GABBR2: variants seen among roughly 807,000 people sequenced by gnomAD.
GABBR2 encodes the protein G-protein coupled receptor 51.
A neutral mutation model predicts 105.6 loss-of-function variants in GABBR2; 23 were observed. The observed-to-expected ratio is 0.22, with a 90% CI of 0.16 to 0.31. The LOEUF (loss-of-function observed/expected upper bound fraction) is 0.31. GABBR2 is among the 10% of genes least tolerant of loss of function. The probability of loss-of-function intolerance (pLI) is 1.00; values close to 1 mark genes in which losing one functional copy is unlikely to be tolerated. For synonymous variants in GABBR2, 478 were observed against 499.7 expected, an observed-to-expected ratio of 0.96 and a Z score of 0.58; for missense variants, 734 against 1,245.5, an observed-to-expected ratio of 0.59 and a Z score of 6.18.
intron 6 of GABBR2, among the ~76,000 whole-genome samples, chr9:98,456,294 C>G (rs996380559): frequency 2.0e-5 from 3 of 152,178 alleles, no homozygotes; most frequent in Non-Finnish European, 4.4e-5. Context: ...CCAGAAAGCT[C>G]CTTGCCCAGC....
chr9:98,467,355 C>G lies in GABBR2; in HGVS notation c.999+5791G>C, dbSNP rs140127034. Among the ~76,000 whole-genome samples the G allele has an allele frequency of 4.0e-4, 61 of 152,306 alleles. 2 individuals carry two copies. In the East Asian group the frequency reaches 0.01, roughly 26 times the overall value. On this transcript the variant is annotated intron_variant, in intron 6 of 18. Transcript: ENST00000259455. Reference sequence around the variant, plus strand: ...GCCAGTGGCCCCTCCATGGGCCAGTCAGCCTTTTCCTTCTGAGCCCATGCC... The same window carrying G: ...GCCAGTGGCCCCTCCATGGGCCAGTGAGCCTTTTCCTTCTGAGCCCATGCC...
intron 1 of GABBR2, among the ~76,000 whole-genome samples, chr9:98,586,161 T>G (rs1333612451): frequency 6.6e-6 from 1 of 152,084 alleles, no homozygotes; most frequent in Non-Finnish European, 1.5e-5. Context: ...GAACAGACAG[T>G]ATATCCAGCA....
chr9:98,354,575 T>C (rs889750331), intron 13 of GABBR2, among the ~76,000 whole-genome samples: 3 of 152,362 alleles, frequency 2.0e-5, no homozygotes, highest in Non-Finnish European at 4.4e-5. Context: ...TGCACTTTTA[T>C]GTTATAGAGA....
At chr9:98,455,097 C>G (rs1256408186) in intron 6 of GABBR2, among the ~76,000 whole-genome samples, 2 of 152,204 alleles carry the variant, frequency 1.3e-5, no homozygotes, top group Non-Finnish European at 2.9e-5. Flanking sequence ...ATCCATCCCT[C>G]CTGCTATTCC....
intron 6 of GABBR2, among the ~76,000 whole-genome samples, chr9:98,471,990 T>C (rs1826692642): frequency 6.6e-6 from 1 of 152,218 alleles, no homozygotes; most frequent in Non-Finnish European, 1.5e-5. Flanking sequence ...ACAAAATATG[T>C]CCTAATGATT....
At chr9:98,667,853 T>C (rs1397142923) in intron 1 of GABBR2, among the ~76,000 whole-genome samples, 1 of 152,224 alleles carries the variant, frequency 6.6e-6, no homozygotes, top group South Asian at 2.1e-4. Flanking sequence ...CAATCCCTTT[T>C]GCTGGGCTGA....
At chr9:98,658,273 C>G (rs1246333884) in intron 1 of GABBR2, among the ~76,000 whole-genome samples, 1 of 152,166 alleles carries the variant, frequency 6.6e-6, no homozygotes, top group African/African-American at 2.4e-5. Context: ...TAGAAATACA[C>G]AAGCCTGGGC....
intron 7 of GABBR2, among the ~76,000 whole-genome samples, chr9:98,438,108 CCACCCATTTATCCAT>C (rs1825960976): frequency 1.3e-5 from 2 of 150,384 alleles, no homozygotes; most frequent in Non-Finnish European, 3.0e-5. Flanking sequence ...ATCCATCCAT[CCACCCATTTATCCAT>C]CCATATTTAC....
chr9:98,336,697 C>G (rs1212329261), intron 13 of GABBR2, among the ~76,000 whole-genome samples: 2 of 152,064 alleles, frequency 1.3e-5, no homozygotes, highest in Non-Finnish European at 2.9e-5. Context: ...GAGGGAGACT[C>G]TGTCTCAAAA....
chr9:98,581,506 G>GAAGA (rs761311640), intron 1 of GABBR2, among the ~76,000 whole-genome samples: 20 of 100,572 alleles, frequency 2.0e-4, no homozygotes, highest in African/African-American at 5.8e-4. Context: ...AGAGAGGGAG[G>GAAGA]GAGGGAGGGA....
chr9:98,347,898 TAGTA>T (rs1195213439), intron 13 of GABBR2, among the ~76,000 whole-genome samples: 5 of 152,152 alleles, frequency 3.3e-5, no homozygotes, highest in Admixed American at 1.3e-4. Flanking sequence ...ATTCTTGTGA[TAGTA>T]AGTAAGTCTC....
intron 1 of GABBR2, among the ~76,000 whole-genome samples, chr9:98,620,553 C>T (rs563217369): frequency 6.6e-6 from 1 of 152,076 alleles, no homozygotes; most frequent in South Asian, 2.1e-4. Flanking sequence ...CCAACCCACC[C>T]TTGATTTTTT....
At chr9:98,496,155 T>A in intron 4 of GABBR2, 2 of 497,322 alleles carry the variant, frequency 4.0e-6, no homozygotes, top group South Asian at 4.8e-5. Context: ...CCCCTGAGGC[T>A]GCGTTGAGAG....
At chr9:98,372,212 G>A (rs1348858665) in intron 11 of GABBR2, among the ~76,000 whole-genome samples, 1 of 152,052 alleles carries the variant, frequency 6.6e-6, no homozygotes, top group Non-Finnish European at 1.5e-5. Flanking sequence ...GCTGGAACAG[G>A]CTGGCCACCA....
Position 98,420,119 on chromosome 9 carries a change from A to G in GABBR2, c.1237-13978T>C, listed in dbSNP as rs1588151103. Among the ~76,000 whole-genome samples the G allele has an allele frequency of 3.9e-5, 6 of 152,068 alleles. 1 individual carries two copies. The highest frequency in any genetic ancestry group is 3.9e-4 in the Admixed American group (6 of 15,278). On this transcript the variant is annotated intron_variant, in intron 7 of 18. Transcript: ENST00000259455. ...AGGGGTGGTGGTGTGATGAAGGGAAAGGAAGGGCAAAAAGTGTTCTTGAAC... is the reference window on the plus strand; with the variant it reads ...AGGGGTGGTGGTGTGATGAAGGGAAGGGAAGGGCAAAAAGTGTTCTTGAAC...
At chr9:98,309,202 G>A (rs1830598262) in intron 14 of GABBR2, among the ~76,000 whole-genome samples, 1 of 152,198 alleles carries the variant, frequency 6.6e-6, no homozygotes, top group African/African-American at 2.4e-5. Context: ...GACATGAGCT[G>A]GCTGAAGCTG....
intron 7 of GABBR2, among the ~76,000 whole-genome samples, chr9:98,411,160 C>G (rs1021874812): frequency 1.3e-5 from 2 of 152,118 alleles, no homozygotes; most frequent in African/African-American, 4.8e-5. Flanking sequence ...TTTTTTCCCC[C>G]TGAAAGAGAT....
At chr9:98,483,065 T>C (rs899190931) in intron 4 of GABBR2, among the ~76,000 whole-genome samples, 4 of 152,110 alleles carry the variant, frequency 2.6e-5, no homozygotes, top group Middle Eastern at 6.3e-3. Flanking sequence ...ACTCTTCCAG[T>C]TGGATTCTCT....
chr9:98,439,632 A>G (rs887114070), intron 7 of GABBR2, among the ~76,000 whole-genome samples: 2 of 152,206 alleles, frequency 1.3e-5, no homozygotes, highest in Non-Finnish European at 2.9e-5. Flanking sequence ...GTGTGCATGC[A>G]TGCATGTGAG....
Sources: gnomAD v4.1 joint callset for allele counts (sites outside exome capture counted in the v4.1 genomes callset) on GRCh38, gnomAD v4.1.1 for gene constraint, MANE v1.5 for transcripts, NCBI Gene and HGNC (gene_info 2026-07-23, HGNC 2026-07-21) for gene names.